Variants in C11orf65 observed in about 807,000 individuals in gnomAD.
C11orf65 encodes chromosome 11 open reading frame 65.
C11orf65 carries 38 observed loss-of-function variants against 35.3 expected under a neutral mutation model. The observed-to-expected ratio is 1.08, with a 90% CI of 0.83 to 1.41. The LOEUF (loss-of-function observed/expected upper bound fraction) is 1.41, where lower values mean the gene tolerates loss of function less well. Among genes scored for constraint, C11orf65 ranks in the 40% most tolerant of loss-of-function variants. The pLI, the probability that C11orf65 is intolerant of heterozygous loss-of-function variation, is 0.00. For missense variants in C11orf65, 370 were observed against 367.1 expected (o/e 1.01, Z -0.06); for synonymous variants, 105 against 114.4 (o/e 0.92, Z 0.53).
intron 6 of C11orf65, among the ~76,000 whole-genome samples, chr11:108,402,964 T>C (rs545490684): frequency 6.6e-6 from 1 of 151,820 alleles, no homozygotes; most frequent in East Asian, 1.9e-4. Flanking sequence ...TCCTACCACT[T>C]GCTTATCCAT....
chr11:108,434,267 G>C (rs1318586233), intron 2 of C11orf65, among the ~76,000 whole-genome samples: 1 of 152,118 alleles, frequency 6.6e-6, no homozygotes, highest in African/African-American at 2.4e-5. Context: ...CACTTTGGGA[G>C]GCTAAGGCAG....
At chr11:108,390,645 C>T (rs2092138054) in intron 7 of C11orf65, among the ~76,000 whole-genome samples, 1 of 152,148 alleles carries the variant, frequency 6.6e-6, no homozygotes, top group Non-Finnish European at 1.5e-5. Flanking sequence ...CCTCTCTTTC[C>T]CTTTCTTCCC....
intron 3 of C11orf65, among the ~76,000 whole-genome samples, chr11:108,408,515 A>G (rs2092588540): frequency 6.6e-6 from 1 of 151,416 alleles, no homozygotes; most frequent in African/African-American, 2.4e-5. Flanking sequence ...GTCTCTACTA[A>G]AAATACAAAA....
At chr11:108,323,786 T>G (rs555459390) in intron 6 of C11orf65, among the ~76,000 whole-genome samples, 1 of 152,166 alleles carries the variant, frequency 6.6e-6, no homozygotes, top group East Asian at 1.9e-4. Context: ...AGAGGGAAGG[T>G]TGGATGAACT....
At chr11:108,417,653 C>A (rs1283711517) in intron 3 of C11orf65, among the ~76,000 whole-genome samples, 1 of 151,878 alleles carries the variant, frequency 6.6e-6, no homozygotes, top group East Asian at 1.9e-4. Flanking sequence ...GAAAGATGTA[C>A]CATGCAAATA....
chr11:108,318,100 GC>G (rs2084907576), intron 6 of C11orf65, among the ~76,000 whole-genome samples: 1 of 152,062 alleles, frequency 6.6e-6, no homozygotes, highest in African/African-American at 2.4e-5. Context: ...GGTGGCTCAT[GC>G]CTATAATCCT....
At chr11:108,365,107 A>C in intron 2 of C11orf65, 3 of 1,614,128 alleles carry the variant, frequency 1.9e-6, no homozygotes, top group Admixed American at 1.7e-5. Flanking sequence ...CCACTCTTTG[A>C]CTGGACCATG....
chr11:108,410,410 G>A (rs1591494043), intron 3 of C11orf65, among the ~76,000 whole-genome samples: 1 of 152,120 alleles, frequency 6.6e-6, no homozygotes, highest in Non-Finnish European at 1.5e-5. Flanking sequence ...TATTTGCATA[G>A]TGGCACCATC....
intron 2 of C11orf65, among the ~76,000 whole-genome samples, chr11:108,371,588 A>G (rs2091577581): frequency 6.6e-6 from 1 of 152,178 alleles, no homozygotes; most frequent in South Asian, 2.1e-4. Flanking sequence ...AGGCTGAATA[A>G]TATTCCATTG....
chr11:108,436,616 T>G (rs541407867), intron 2 of C11orf65, among the ~76,000 whole-genome samples: 2 of 152,332 alleles, frequency 1.3e-5, no homozygotes, highest in African/African-American at 4.8e-5. Context: ...GTTATTCTAT[T>G]GTCAACTTGA....
At chr11:108,346,043 C>G in intron 2 of C11orf65, 1 of 922,796 alleles carries the variant, frequency 1.1e-6, no homozygotes, top group Non-Finnish European at 1.7e-6. Context: ...ACCAACCCAT[C>G]TTCATTATTA....
rs751665578 is a variant in C11orf65, at chr11:108,321,293, G to C, written c.641-12222C>G. The C allele has an allele frequency of 1.2e-6, 2 of 1,612,316 alleles. No individual in the cohort carries two copies. Among genetic ancestry groups the C allele is most frequent in the South Asian group, 2.2e-5 (2 of 90,946 alleles). Reference sequence around the variant, plus strand: ...ATTTTCAGAGTGTCTTTTCTTTTTTGCTACTAGAGTAAAAGAAGTGGAAGA... The same window carrying C: ...ATTTTCAGAGTGTCTTTTCTTTTTTCCTACTAGAGTAAAAGAAGTGGAAGA... On this transcript the variant is annotated intron_variant, in intron 6 of 6. Coordinates refer to the C11orf65 transcript ENST00000525729.
chr11:108,462,478 G>C (rs980742652), intron 1 of C11orf65: 1 of 152,232 alleles, frequency 6.6e-6, no homozygotes, highest in African/African-American at 2.4e-5. Context: ...AAGGCCTAAG[G>C]TCAAATAGTG....
At position 108,317,400 on chromosome 11, in the gene C11orf65, AT is replaced by A. The variant is rs786203008; in HGVS notation, c.641-8330del. The A allele has an allele frequency of 2.5e-6, 4 of 1,612,334 alleles. No homozygotes were observed. Among genetic ancestry groups the A allele is most frequent in the Non-Finnish European group, 8.5e-7 (1 of 1,179,094 alleles). ...CTTGCAGAATTTGGGACTCTGCCATATTCTTTCCGTCTATTTAAAAGGATTG... is the reference window on the plus strand; with the variant it reads ...CTTGCAGAATTTGGGACTCTGCCATATCTTTCCGTCTATTTAAAAGGATTG... On this transcript the variant is annotated intron_variant, in intron 6 of 6. Coordinates refer to the C11orf65 transcript ENST00000525729.
intron 3 of C11orf65, among the ~76,000 whole-genome samples, chr11:108,414,551 G>A (rs931170054): frequency 6.6e-6 from 1 of 151,852 alleles, no homozygotes; most frequent in African/African-American, 2.4e-5. Context: ...CTCTATTAAA[G>A]AAATAGAATC....
chr11:108,357,722 G>A (rs1447210165), intron 2 of C11orf65, among the ~76,000 whole-genome samples: 1 of 152,146 alleles, frequency 6.6e-6, no homozygotes, highest in African/African-American at 2.4e-5. Context: ...CAACAGACCT[G>A]CAGCTGAGGG....
chr11:108,449,340 C>A (rs1247494260), intron 2 of C11orf65, among the ~76,000 whole-genome samples: 1 of 151,876 alleles, frequency 6.6e-6, no homozygotes, highest in African/African-American at 2.4e-5. Context: ...GAATCCTAAG[C>A]CAAAAGAACA....
chr11:108,444,405 A>G (rs949606760), intron 2 of C11orf65, among the ~76,000 whole-genome samples: 30 of 152,318 alleles, frequency 2.0e-4, no homozygotes, highest in African/African-American at 7.2e-4. Context: ...AGGAGCTGCT[A>G]CCATTCCTTC....
At chr11:108,355,159 G>T in intron 2 of C11orf65, 2 of 392,476 alleles carry the variant, frequency 5.1e-6, no homozygotes, top group Non-Finnish European at 9.3e-6. Context: ...TATTCCATAT[G>T]GTATTATTAT....
Sources: allele counts gnomAD v4.1 joint callset (sites outside exome capture counted in the v4.1 genomes callset), GRCh38; gene constraint gnomAD v4.1.1; transcripts MANE v1.5; gene names NCBI Gene and HGNC (gene_info 2026-07-23, HGNC 2026-07-21).